CCDC50: variants seen among roughly 807,000 people sequenced by gnomAD.
The protein encoded by CCDC50 is coiled-coil domain-containing protein 50.
CCDC50 carries 54 observed loss-of-function variants against 70.2 expected under a neutral mutation model. The ratio of observed to expected loss-of-function variants is 0.77; its 90% confidence interval spans 0.62 to 0.96. The LOEUF (loss-of-function observed/expected upper bound fraction) is 0.96, where lower values mean the gene tolerates loss of function less well. Among genes scored for constraint, CCDC50 ranks in the 50% least tolerant of loss-of-function variants. The pLI, the probability that CCDC50 is intolerant of heterozygous loss-of-function variation, is 0.00. For synonymous variants in CCDC50, 216 were observed against 198.8 expected (o/e 1.09, Z -0.73); for missense variants, 558 against 578.7 (o/e 0.96, Z 0.37).
rs1301861393 is a variant in CCDC50, at chr3:191,380,689, T to A, written c.1095T>A (p.Ala365=). The A allele has an allele frequency of 3.7e-6, 6 of 1,612,306 alleles. No homozygotes were observed. In the African/African-American group the frequency reaches 8.0e-5, roughly 22 times the overall value. ...TTTTTGTATTTTCGATATCATAGGC[T>A]ACCCAGGTGGACATGAGAGCCGCTC... The part of the protein sequence containing the change: ...ARKLQEEELL[A]TQVDMRAAQV... Residue 365 remains alanine (A), a splice_region_variant and synonymous_variant, in exon 8 of 12, where the codon GCT becomes GCA. Coordinates refer to ENST00000392455, the MANE Select transcript of CCDC50 (RefSeq NM_178335.3).
rs1713896617 is a variant in CCDC50 at position 191,397,418 on chromosome 3, C to A, written c.*5658C>A. 1 of 152,114 alleles carries A rather than the reference C, an allele frequency of 6.6e-6. No homozygotes were observed. Among genetic ancestry groups the A allele is most frequent in the African/African-American group, 2.4e-5 (1 of 41,426 alleles). The allele number at this position is 152,114 out of a possible 1,614,324, so 9.4% of individuals were successfully genotyped here. A position where few individuals can be genotyped will look rare whatever the true frequency, so the allele number is the denominator to read the frequency against. On this transcript the variant is annotated 3_prime_UTR_variant, in exon 12 of 12. Transcript: ENST00000392455. ...CTTTCTCAGAAAGAGCTATATTTTT[C>A]TCTTCTTACAGGCAACCCAATATTT...
chr3:191,377,064 T>G (rs1227437420), intron 6 of CCDC50, among the ~76,000 whole-genome samples: 1 of 152,162 alleles, frequency 6.6e-6, no homozygotes, highest in Non-Finnish European at 1.5e-5. Flanking sequence ...ATGTTTTGTT[T>G]TTTATTTTGC....
At chr3:191,340,646 T>C (rs996979383) in intron 1 of CCDC50, among the ~76,000 whole-genome samples, 13 of 152,178 alleles carry the variant, frequency 8.5e-5, no homozygotes, top group Non-Finnish European at 1.9e-4. Flanking sequence ...GACATTCAGC[T>C]GAAAAAGTTT....
intron 1 of CCDC50, among the ~76,000 whole-genome samples, chr3:191,335,741 GTTTA>G (rs928554104): frequency 4.6e-5 from 7 of 152,240 alleles, no homozygotes; most frequent in South Asian, 2.1e-4. Context: ...TACCGGTCTT[GTTTA>G]TTTATCAGTG....
intron 4 of CCDC50, among the ~76,000 whole-genome samples, chr3:191,369,015 C>A (rs1170215867): frequency 1.3e-5 from 2 of 152,280 alleles, no homozygotes; most frequent in East Asian, 3.9e-4. Context: ...TTCCTGTGAT[C>A]CAGCCTTAGA....
At chr3:191,338,059 A>G (rs1711577856) in intron 1 of CCDC50, among the ~76,000 whole-genome samples, 1 of 152,024 alleles carries the variant, frequency 6.6e-6, no homozygotes, top group Admixed American at 6.6e-5. Context: ...TTTTCCAATG[A>G]GTCATAAAGG....
chr3:191,390,318 G>A (rs1609926), intron 11 of CCDC50, among the ~76,000 whole-genome samples: 14,835 of 149,812 alleles, frequency 0.099, 800 homozygotes, highest in East Asian at 0.24. Flanking sequence ...ATGGAACAAA[G>A]CATAAAGAAA....
chr3:191,381,340 C>T lies in CCDC50; in HGVS notation c.1242+408C>T, dbSNP rs115781410. Among the ~76,000 whole-genome samples the T allele has an allele frequency of 6.2e-3, 943 of 152,236 alleles. 12 individuals are homozygous for T. Among genetic ancestry groups the T allele is most frequent in the African/African-American group, 0.021 (878 of 41,556 alleles). ...TTATCTTTCATCTCTATCATGTATC[C>T]GTTTCTCTTTCCTTTGATGTAACAT... On this transcript the variant is annotated intron_variant, in intron 9 of 11. Transcript: ENST00000392455.
At chr3:191,370,585 C>T (rs1032210792) in intron 5 of CCDC50, among the ~76,000 whole-genome samples, 4 of 151,528 alleles carry the variant, frequency 2.6e-5, no homozygotes, top group African/African-American at 7.3e-5. Context: ...CTCTCCAAGG[C>T]TCAAGCAGTT....
At position 191,331,753 on chromosome 3, in the gene CCDC50, A is replaced by G. The variant is rs147920200; in HGVS notation, c.49+2030A>G. 5.9e-3 allele frequency among the ~76,000 whole-genome samples: 895 copies of G among 152,296 alleles called. 5 individuals are homozygous for G. Among genetic ancestry groups the G allele is most frequent in the Admixed American group, 0.011 (164 of 15,302 alleles). On this transcript the variant is annotated intron_variant, in intron 1 of 11. Transcript: ENST00000392455. ...AGTCTAATAAAGTGTATCCTTCCCT[A>G]ATATAACTCTTAATTATGGCCCAGT...
chr3:191,390,475 A>G (rs934768304), intron 11 of CCDC50, among the ~76,000 whole-genome samples: 13 of 152,240 alleles, frequency 8.5e-5, no homozygotes, highest in South Asian at 2.1e-4. Context: ...TTATTTGATT[A>G]TATGCTGATT....
Position 191,398,279 on chromosome 3 carries a change from T to A in CCDC50, c.*6519T>A, listed in dbSNP as rs1185607934. 6.6e-6 allele frequency: 1 copy of A among 152,224 alleles called. No individual in the cohort carries two copies. The highest frequency in any genetic ancestry group is 1.5e-5 in the Non-Finnish European group (1 of 68,046). 9.4% of individuals were successfully genotyped at this position (152,224 alleles called of 1,614,324 possible). A position where few individuals can be genotyped will look rare whatever the true frequency, so the allele number is the denominator to read the frequency against. On this transcript the variant is annotated 3_prime_UTR_variant, in exon 12 of 12. Coordinates refer to ENST00000392455, the MANE Select transcript of CCDC50 (RefSeq NM_178335.3). Reference sequence around the variant, plus strand: ...TTTTTACACTATATTTCTCATTAGGTTCTTTAAACATCAGGTTTAATATTG... The same window carrying A: ...TTTTTACACTATATTTCTCATTAGGATCTTTAAACATCAGGTTTAATATTG...
chr3:191,390,569 C>A (rs1015953951), intron 11 of CCDC50, among the ~76,000 whole-genome samples: 5 of 152,034 alleles, frequency 3.3e-5, no homozygotes, highest in Non-Finnish European at 5.9e-5. Flanking sequence ...CTTTATAGAC[C>A]TTATAGGGTA....
At chr3:191,383,080 T>TA (rs1450057088) in intron 10 of CCDC50, among the ~76,000 whole-genome samples, 4 of 152,184 alleles carry the variant, frequency 2.6e-5, no homozygotes, top group African/African-American at 4.8e-5. Flanking sequence ...GACTGATTCT[T>TA]ACCTCTGCAT....
intron 4 of CCDC50, among the ~76,000 whole-genome samples, chr3:191,361,914 A>C (rs191627796): frequency 1.3e-5 from 2 of 152,284 alleles, no homozygotes; most frequent in Admixed American, 1.3e-4. Flanking sequence ...GGCCAGGAGC[A>C]GGCATTGCTC....
At chr3:191,386,862 C>T (rs1713514755) in intron 10 of CCDC50, among the ~76,000 whole-genome samples, 1 of 152,160 alleles carries the variant, frequency 6.6e-6, no homozygotes, top group South Asian at 2.1e-4. Context: ...ACTTAGCAAT[C>T]TGAATTCTAA....
At chr3:191,371,313 G>C (rs1712906552) in intron 5 of CCDC50, among the ~76,000 whole-genome samples, 1 of 152,120 alleles carries the variant, frequency 6.6e-6, no homozygotes, top group Non-Finnish European at 1.5e-5. Context: ...TTAAAAATGT[G>C]TTGGGAAATG....
chr3:191,357,246 T>C, intron 2 of CCDC50, 96 bp downstream of exon 2: 1 of 897,602 alleles, frequency 1.1e-6, no homozygotes, highest in South Asian at 1.4e-5. Flanking sequence ...GAGAGCACAG[T>C]CACTTGGCTT....
intron 5 of CCDC50, chr3:191,370,396 G>T: frequency 3.6e-6 from 1 of 276,556 alleles, no homozygotes; most frequent in Non-Finnish European, 6.9e-6. Flanking sequence ...CCCGGTGTGT[G>T]ATGTTTGCCT....
Sources: allele counts gnomAD v4.1 joint callset (sites outside exome capture counted in the v4.1 genomes callset), GRCh38; gene constraint gnomAD v4.1.1; transcripts MANE v1.5; gene names NCBI Gene and HGNC (gene_info 2026-07-23, HGNC 2026-07-21).